Variants in NTRK3 observed in about 807,000 individuals in gnomAD.
NTRK3 encodes the protein neurotrophic receptor tyrosine kinase 3, also known as NT-3 growth factor receptor.
Under a neutral mutation model 91.7 loss-of-function variants are expected in NTRK3, and 24 were observed. That is an observed-to-expected ratio of 0.26 (90% confidence interval 0.19 to 0.37). The LOEUF is 0.37. NTRK3 is among the 10% of genes least tolerant of loss of function. The pLI is 1.00. For synonymous variants in NTRK3, 483 were observed against 404.0 expected, an observed-to-expected ratio of 1.20 and a Z score of -2.34; for missense variants, 880 against 1,068.9, an observed-to-expected ratio of 0.82 and a Z score of 2.46.
At chr15:88,135,485 G>A (rs2041786723) in intron 9 of NTRK3, 88 bp from the exon 10 acceptor site, 2 of 1,432,826 alleles carry the variant, frequency 1.4e-6, no homozygotes. Context: ...GGGAATCCCG[G>A]TTCTTCCCCA....
At chr15:88,072,251 G>C (rs1016670037) in intron 13 of NTRK3, among the ~76,000 whole-genome samples, 1 of 152,034 alleles carries the variant, frequency 6.6e-6, no homozygotes, top group Non-Finnish European at 1.5e-5. Flanking sequence ...TGATCCGACT[G>C]CCTCAGCCTC....
At chr15:88,100,408 T>C (rs886643097) in intron 13 of NTRK3, among the ~76,000 whole-genome samples, 2 of 152,166 alleles carry the variant, frequency 1.3e-5, no homozygotes, top group African/African-American at 4.8e-5. Flanking sequence ...TATTACATAG[T>C]TAACAACTGA....
chr15:87,895,164 C>G (rs751138355), intron 17 of NTRK3, among the ~76,000 whole-genome samples: 1 of 152,160 alleles, frequency 6.6e-6, no homozygotes, highest in Non-Finnish European at 1.5e-5. Flanking sequence ...GACATAGAAA[C>G]CTTGGCCAGA....
intron 14 of NTRK3, chr15:87,977,223 A>G (rs1178427558): frequency 6.0e-6 from 1 of 165,908 alleles, no homozygotes; most frequent in Admixed American, 6.4e-5. Context: ...ACAGATTGTG[A>G]ACACCTTTGT....
chr15:88,027,151 A>C (rs1012441853), intron 14 of NTRK3, among the ~76,000 whole-genome samples: 9 of 151,956 alleles, frequency 5.9e-5, no homozygotes, highest in African/African-American at 2.2e-4. Flanking sequence ...TGGATGCTGG[A>C]GGTAGCGGGT....
intron 17 of NTRK3, among the ~76,000 whole-genome samples, chr15:87,909,304 T>G (rs1183846098): frequency 6.6e-6 from 1 of 152,096 alleles, no homozygotes; most frequent in East Asian, 1.9e-4. Flanking sequence ...GAGGAGGGAC[T>G]CACAGTAACT....
chr15:88,236,514 T>TAAA (rs60187446), intron 3 of NTRK3, among the ~76,000 whole-genome samples: 57 of 53,738 alleles, frequency 1.1e-3, no homozygotes, highest in Middle Eastern at 0.017. Flanking sequence ...CCTCTATTAT[T>TAAA]AAAAAAAAAA....
At chr15:87,991,945 C>G (rs373598967) in intron 14 of NTRK3, among the ~76,000 whole-genome samples, 2 of 151,332 alleles carry the variant, frequency 1.3e-5, no homozygotes, top group East Asian at 3.9e-4. Context: ...TTAAAGGCAC[C>G]CAGGTCAGTA....
intron 14 of NTRK3, among the ~76,000 whole-genome samples, chr15:87,984,512 G>A (rs975668713): frequency 2.6e-5 from 4 of 152,216 alleles, no homozygotes; most frequent in Non-Finnish European, 4.4e-5. Context: ...GGCACTGGCC[G>A]AGGTGAGTGA....
At chr15:87,997,465 T>C (rs546251323) in intron 14 of NTRK3, among the ~76,000 whole-genome samples, 21 of 152,248 alleles carry the variant, frequency 1.4e-4, no homozygotes, top group Non-Finnish European at 2.6e-4. Context: ...TGCATGACCC[T>C]TCTCCCGCTT....
intron 14 of NTRK3, among the ~76,000 whole-genome samples, chr15:88,012,865 A>T (rs1041899569): frequency 6.6e-6 from 1 of 152,216 alleles, no homozygotes; most frequent in Non-Finnish European, 1.5e-5. Flanking sequence ...AGAGTTTCGG[A>T]TTCAGTGGGT....
chr15:87,896,711 TCA>T (rs1178529197), intron 17 of NTRK3, among the ~76,000 whole-genome samples: 1 of 152,102 alleles, frequency 6.6e-6, no homozygotes, highest in Non-Finnish European at 1.5e-5. Flanking sequence ...GAGTGTGCAC[TCA>T]CAGATACATG....
chr15:88,145,102 G>A (rs181508510), intron 6 of NTRK3, among the ~76,000 whole-genome samples: 55 of 152,284 alleles, frequency 3.6e-4, no homozygotes, highest in African/African-American at 1.3e-3. Context: ...GCTCCATCGA[G>A]CAGACCCTGG....
In NTRK3 at chr15:88,192,064, A is replaced by G. The variant is rs1032636614; in HGVS notation, c.249-7765T>C. On this transcript the variant is annotated intron_variant, in intron 3 of 18. Coordinates refer to ENST00000394480, the Ensembl canonical transcript of NTRK3. ...TGGGGCCACCCCTGGGACCACAGAA[A>G]GGAACATTCAGATCATGCAGCAAAC... Among the ~76,000 whole-genome samples, 5 of 152,382 alleles carry G rather than the reference A, an allele frequency of 3.3e-5. No homozygotes were observed. In the East Asian group the frequency reaches 9.6e-4, roughly 29 times the overall value.
At chr15:87,994,306 G>A (rs2075517098) in intron 14 of NTRK3, among the ~76,000 whole-genome samples, 1 of 152,176 alleles carries the variant, frequency 6.6e-6, no homozygotes, top group Admixed American at 6.5e-5. Flanking sequence ...TTGAAAACGG[G>A]ATCTTTGCAG....
In NTRK3 at chr15:88,233,796, C is replaced by CCG. The variant is rs1555567093; in HGVS notation, c.248+22109_248+22110insCG. On this transcript the variant is annotated intron_variant, in intron 3 of 18. Coordinates refer to ENST00000394480, the Ensembl canonical transcript of NTRK3. This position sits in a 1 kb window ranked among gnomAD's most constrained non-coding sequence, Gnocchi z 4.2. Reference sequence around the variant, plus strand: ...TCCTCCCCTGACATCCAGTGCTCCCCCTCCCTGCCTTGTCCAAGAGAATCT... The same window carrying CCG: ...TCCTCCCCTGACATCCAGTGCTCCCCCGCTCCCTGCCTTGTCCAAGAGAATCT... Among the ~76,000 whole-genome samples, 27 of 152,082 alleles carry CCG rather than the reference C, an allele frequency of 1.8e-4. No individual in the cohort carries two copies. Among genetic ancestry groups the CCG allele is most frequent in the African/African-American group, 6.3e-4 (26 of 41,458 alleles).
chr15:87,959,641 G>A (rs2072046676), intron 14 of NTRK3, among the ~76,000 whole-genome samples: 1 of 152,170 alleles, frequency 6.6e-6, no homozygotes. Flanking sequence ...CTCGGGTCTC[G>A]ATCTTCATGG....
At chr15:87,967,591 T>C (rs1456672856) in intron 14 of NTRK3, among the ~76,000 whole-genome samples, 1 of 152,106 alleles carries the variant, frequency 6.6e-6, no homozygotes, top group Non-Finnish European at 1.5e-5. Flanking sequence ...GCTTATAAAT[T>C]CTCTCATCCC....
At chr15:87,875,575 A>G (rs568937156) in exon 19 of NTRK3, 3 of 232,574 alleles carry the variant, frequency 1.3e-5, no homozygotes, top group African/African-American at 4.4e-5. Flanking sequence ...CCAGCCCACA[A>G]AAGTGATTTC....
Sources: gnomAD v4.1 joint callset for allele counts (sites outside exome capture counted in the v4.1 genomes callset) on GRCh38, gnomAD v4.1.1 for gene constraint, Gnocchi (gnomAD v3.1) non-coding constraint, MANE v1.5 for transcripts, NCBI Gene and HGNC (gene_info 2026-07-23, HGNC 2026-07-21) for gene names.